CHN1: variants seen among roughly 807,000 people sequenced by gnomAD.
CHN1 encodes chimerin 1.
A neutral mutation model predicts 59.5 loss-of-function variants in CHN1; 37 were observed. That is an observed-to-expected ratio of 0.62 (90% CI 0.48 to 0.82). The LOEUF is 0.82. Ranked by LOEUF, CHN1 falls within the 40% of genes least tolerant of loss-of-function variation. CHN1 has a pLI of 0.00. For synonymous variants in CHN1, 206 were observed against 200.4 expected, an observed-to-expected ratio of 1.03 and a Z score of -0.24; for missense variants, 469 against 571.0, an observed-to-expected ratio of 0.82 and a Z score of 1.82.
intron 5 of CHN1, among the ~76,000 whole-genome samples, chr2:174,897,423 TTGTG>T (rs373042316): frequency 2.4e-4 from 36 of 148,166 alleles, no homozygotes; most frequent in African/African-American, 8.7e-4. Flanking sequence ...CTCTGTGTGC[TTGTG>T]TGTGTGTGTG....
In CHN1 at chr2:174,871,178, C is replaced by T. The variant is rs115578329; in HGVS notation, c.549+6662G>A. On this transcript the variant is annotated intron_variant, in intron 6 of 12. Transcript: ENST00000409900. ...GATGGCCATGAGCTTGGTCACTTACCATCTTGGCTGCTTTGAACATAGCCC... is the reference window on the plus strand; with the variant it reads ...GATGGCCATGAGCTTGGTCACTTACTATCTTGGCTGCTTTGAACATAGCCC... Among the ~76,000 whole-genome samples the T allele has an allele frequency of 5.9e-3, 666 of 113,124 alleles. 7 individuals carry two copies. The highest frequency in any genetic ancestry group is 0.017 in the African/African-American group (628 of 37,904). 74.2% of individuals were successfully genotyped at this position (113,124 alleles called of 152,430 possible). A position where few individuals can be genotyped will look rare whatever the true frequency, so the allele number is the denominator to read the frequency against.
intron 1 of CHN1, among the ~76,000 whole-genome samples, chr2:174,988,356 C>T: frequency 1.6e-5 from 1 of 61,480 alleles, no homozygotes; most frequent in South Asian, 5.6e-4. Context: ...AACTCCGTCT[C>T]AAAAAAAAAA....
intron 1 of CHN1, among the ~76,000 whole-genome samples, chr2:174,958,176 A>G (rs1160199536): frequency 7.7e-5 from 9 of 116,922 alleles, no homozygotes; most frequent in Non-Finnish European, 1.2e-4. Flanking sequence ...GGAGAGAAGG[A>G]AGGGAGGGAG....
intron 1 of CHN1, among the ~76,000 whole-genome samples, chr2:174,965,394 G>A (rs376425082): frequency 2.0e-5 from 3 of 151,888 alleles, no homozygotes; most frequent in African/African-American, 7.3e-5. Flanking sequence ...CCTGCTTAAC[G>A]TTTTACAAGT....
At chr2:174,941,750 T>C (rs1191829243) in intron 3 of CHN1, among the ~76,000 whole-genome samples, 1 of 152,166 alleles carries the variant, frequency 6.6e-6, no homozygotes, top group Non-Finnish European at 1.5e-5. Context: ...TTTTCTTTTT[T>C]ATGGAGAACA....
chr2:174,966,545 G>C lies in CHN1; in HGVS notation c.20-14343C>G, dbSNP rs113295674. 3.9e-3 allele frequency among the ~76,000 whole-genome samples: 594 copies of C among 152,214 alleles called. 2 individuals carry two copies. The highest frequency in any genetic ancestry group is 0.013 in the African/African-American group (556 of 41,536). On this transcript the variant is annotated intron_variant, in intron 1 of 12. Transcript: ENST00000409900. ...AACTAAAGCTTGGTCTTTAATAAAAGACCTAAGCAGTTTCCTGTAACCAGC... is the reference window on the plus strand; with the variant it reads ...AACTAAAGCTTGGTCTTTAATAAAACACCTAAGCAGTTTCCTGTAACCAGC...
At chr2:174,916,824 G>A (rs545604937) in intron 4 of CHN1, among the ~76,000 whole-genome samples, 294 of 152,322 alleles carry the variant, frequency 1.9e-3, no homozygotes, top group Middle Eastern at 6.8e-3. Flanking sequence ...TATTTAGCAC[G>A]TTGGTATATA....
intron 1 of CHN1, among the ~76,000 whole-genome samples, chr2:174,961,388 T>G (rs1690402106): frequency 6.6e-6 from 1 of 151,890 alleles, no homozygotes; most frequent in African/African-American, 2.4e-5. Context: ...GGTCGGGAGT[T>G]CAAAACCAGC....
chr2:174,923,952 C>T (rs1194720215), intron 3 of CHN1, among the ~76,000 whole-genome samples: 2 of 152,250 alleles, frequency 1.3e-5, no homozygotes, highest in East Asian at 1.9e-4. Flanking sequence ...ACACCAATTT[C>T]ATCTTTCCTG....
chr2:174,999,803 G>A (rs573348144), intron 1 of CHN1, among the ~76,000 whole-genome samples: 3 of 152,310 alleles, frequency 2.0e-5, no homozygotes, highest in Non-Finnish European at 2.9e-5. Context: ...AAGGCCGGGA[G>A]AGGGAGGATT....
intron 5 of CHN1, among the ~76,000 whole-genome samples, chr2:174,889,246 C>T (rs1291789177): frequency 6.6e-6 from 1 of 151,804 alleles, no homozygotes; most frequent in Non-Finnish European, 1.5e-5. Flanking sequence ...CTGTATGAAA[C>T]CAGTCCATAA....
At chr2:174,952,780 C>G (rs927827227) in intron 1 of CHN1, among the ~76,000 whole-genome samples, 1 of 152,168 alleles carries the variant, frequency 6.6e-6, no homozygotes, top group Non-Finnish European at 1.5e-5. Context: ...GAGAGTGTAT[C>G]TAGGGAACCA....
chr2:174,939,415 A>G (rs1408208135), intron 3 of CHN1, among the ~76,000 whole-genome samples: 1 of 152,196 alleles, frequency 6.6e-6, no homozygotes, highest in Non-Finnish European at 1.5e-5. Context: ...AACACTTTTC[A>G]CACAACTACA....
intron 1 of CHN1, among the ~76,000 whole-genome samples, chr2:174,955,741 G>A (rs1690185735): frequency 2.0e-5 from 3 of 152,156 alleles, no homozygotes; most frequent in Non-Finnish European, 4.4e-5. Context: ...TATGTCCTTT[G>A]CAAAAATATG....
intron 1 of CHN1, among the ~76,000 whole-genome samples, chr2:174,970,646 G>A (rs576156993): frequency 1.2e-4 from 18 of 152,258 alleles, no homozygotes; most frequent in African/African-American, 3.9e-4. Flanking sequence ...ACAAACGTAG[G>A]ATAATACAGT....
At chr2:174,898,843 A>C (rs1283710480) in intron 5 of CHN1, among the ~76,000 whole-genome samples, 1 of 152,358 alleles carries the variant, frequency 6.6e-6, no homozygotes, top group African/African-American at 2.4e-5. Context: ...CAAAATTAAT[A>C]AACTAAAAAA....
At chr2:174,877,751 G>T (rs1687612792) in intron 6 of CHN1, 89 bp downstream of exon 6, 2 of 1,192,508 alleles carry the variant, frequency 1.7e-6, no homozygotes, top group African/African-American at 1.5e-5. Context: ...CCAAAGCACT[G>T]TGGATAAATC....
chr2:175,005,210 G>C lies in CHN1; in HGVS notation c.-298C>G, dbSNP rs879722535. 58 of 1,212,412 alleles carry C rather than the reference G, an allele frequency of 4.8e-5. No homozygotes were observed. The highest frequency in any genetic ancestry group is 5.8e-5 in the Non-Finnish European group (56 of 971,578). The allele number at this position is 1,212,412 out of a possible 1,614,324, so 75.1% of individuals were successfully genotyped here. On this transcript the variant is annotated 5_prime_UTR_variant, in exon 1 of 13. Coordinates refer to ENST00000409900, the MANE Select transcript of CHN1 (RefSeq NM_001822.7). ...CGTGCGCGCGGGAGGAGGTACCTGC[G>C]AGGCAGGAGGCTTGGCCGCGGCGCA...
At chr2:174,819,014 C>T (rs776113627) in intron 8 of CHN1, among the ~76,000 whole-genome samples, 17 of 151,784 alleles carry the variant, frequency 1.1e-4, no homozygotes, top group Non-Finnish European at 2.1e-4. Flanking sequence ...AAACATATCT[C>T]GTTTTTTTTC....
Sources: gnomAD v4.1 joint callset for allele counts (sites outside exome capture counted in the v4.1 genomes callset) on GRCh38, gnomAD v4.1.1 for gene constraint, MANE v1.5 for transcripts, NCBI Gene and HGNC (gene_info 2026-07-23, HGNC 2026-07-21) for gene names.